METAP1: variants seen among roughly 807,000 people sequenced by gnomAD.
METAP1 encodes methionine aminopeptidase 1.
Under a neutral mutation model 53.8 loss-of-function variants are expected in METAP1, and 28 were observed. That is an observed-to-expected ratio of 0.52 (90% CI 0.39 to 0.71). METAP1 has a LOEUF of 0.71. Ranked by LOEUF, METAP1 falls within the 30% of genes least tolerant of loss-of-function variation. METAP1 has a pLI of 0.00. For synonymous variants in METAP1, 181 were observed against 165.7 expected, an observed-to-expected ratio of 1.09 and a Z score of -0.71; for missense variants, 389 against 479.8, an observed-to-expected ratio of 0.81 and a Z score of 1.77.
chr4:99,026,428 C>T (rs1724565020), intron 1 of METAP1: 1 of 985,226 alleles, frequency 1.0e-6, no homozygotes, highest in Non-Finnish European at 1.2e-6. Flanking sequence ...GAGAAAGTAG[C>T]ATTTGAAACG....
chr4:98,997,808 A>G (rs1722708412), intron 1 of METAP1, among the ~76,000 whole-genome samples: 2 of 152,242 alleles, frequency 1.3e-5, no homozygotes, highest in Admixed American at 6.5e-5. Flanking sequence ...CATGCACTCA[A>G]ATATTCCCAG....
At chr4:99,055,938 T>G (rs1016430153) in intron 9 of METAP1, among the ~76,000 whole-genome samples, 1 of 152,254 alleles carries the variant, frequency 6.6e-6, no homozygotes, top group African/African-American at 2.4e-5. Context: ...TTTTCTTTTC[T>G]TCCTTTTTTC....
At position 99,020,432 on chromosome 4, in the gene METAP1, C is replaced by T. The variant is rs115091042; in HGVS notation, c.115-8435C>T. Among the ~76,000 whole-genome samples, 540 of 152,286 alleles carry T rather than the reference C, an allele frequency of 3.5e-3. 2 individuals are homozygous for T. The highest frequency in any genetic ancestry group is 0.012 in the African/African-American group (517 of 41,560). ...GAATATCCCTTCTACATTGTTCTAT[C>T]TCTCTCTGAAGCCCTCTTTTTAAGG... On this transcript the variant is annotated intron_variant, in intron 1 of 10. Coordinates refer to ENST00000296411, the MANE Select transcript of METAP1 (RefSeq NM_015143.3).
intron 7 of METAP1, 29 bp from the exon 8 acceptor site, chr4:99,045,150 G>A (rs1429955414): frequency 1.2e-6 from 2 of 1,602,342 alleles, no homozygotes; most frequent in South Asian, 1.1e-5. Flanking sequence ...AAATAAGTAT[G>A]GTCTTTATAT....
intron 1 of METAP1, chr4:99,022,170 A>C (rs910304536): frequency 5.9e-6 from 2 of 338,816 alleles, no homozygotes; most frequent in African/African-American, 2.2e-5. Context: ...GAAGCCCACA[A>C]AACTTCCACG....
At chr4:99,059,137 A>G (rs553967974) in intron 10 of METAP1, among the ~76,000 whole-genome samples, 4 of 152,370 alleles carry the variant, frequency 2.6e-5, no homozygotes, top group Non-Finnish European at 4.4e-5. Context: ...ATAACTTTCT[A>G]TACAGCCAGC....
chr4:99,061,158 A>G lies in METAP1; in HGVS notation c.1002A>G (p.Gly334=), dbSNP rs1461685983. 6.2e-7 allele frequency: 1 copy of G among 1,611,874 alleles called. No individual in the cohort carries two copies. The highest frequency in any genetic ancestry group is 1.7e-5 in the Admixed American group (1 of 59,582). ...FTIEPMICEG[G]WQDETWPDGW... is the part of the protein sequence containing the mutation. ...AATTGTTTTTGTTTGTTGAAGGCGGATGGCAGGATGAAACCTGGCCAGATG... is the reference window on the plus strand; with the variant it reads ...AATTGTTTTTGTTTGTTGAAGGCGGGTGGCAGGATGAAACCTGGCCAGATG... Residue 334 remains glycine (G), a synonymous_variant, in exon 11 of 11, where the codon GGA becomes GGG. Coordinates refer to ENST00000296411, the MANE Select transcript of METAP1 (RefSeq NM_015143.3).
At chr4:99,044,638 AATAGT>A (rs1279237163) in intron 7 of METAP1, among the ~76,000 whole-genome samples, 1 of 151,830 alleles carries the variant, frequency 6.6e-6, no homozygotes, top group Non-Finnish European at 1.5e-5. Flanking sequence ...ATAATGGTAT[AATAGT>A]ATATAATATA....
At chr4:99,019,824 A>T (rs563627502) in intron 1 of METAP1, among the ~76,000 whole-genome samples, 14 of 152,206 alleles carry the variant, frequency 9.2e-5, no homozygotes, top group African/African-American at 2.9e-4. Flanking sequence ...ATTTTAACAT[A>T]CCTTGTCCTA....
At chr4:99,055,062 C>G (rs1355712173) in intron 9 of METAP1, among the ~76,000 whole-genome samples, 2 of 151,812 alleles carry the variant, frequency 1.3e-5, no homozygotes, top group East Asian at 3.9e-4. Context: ...TTGCTCAGAG[C>G]AGGGTTGCCA....
intron 1 of METAP1, among the ~76,000 whole-genome samples, chr4:99,004,194 G>A (rs1723054679): frequency 6.6e-6 from 1 of 152,156 alleles, no homozygotes; most frequent in Admixed American, 6.5e-5. Context: ...GAAACTCTCT[G>A]AACCCAATCC....
chr4:99,022,051 G>A (rs1401333199), intron 1 of METAP1, among the ~76,000 whole-genome samples: 1 of 152,174 alleles, frequency 6.6e-6, no homozygotes, highest in African/African-American at 2.4e-5. Flanking sequence ...GGACCCTATA[G>A]CAGTAGGCAA....
intron 1 of METAP1, among the ~76,000 whole-genome samples, chr4:99,016,224 G>A (rs1723758075): frequency 6.6e-6 from 1 of 152,208 alleles, no homozygotes; most frequent in Non-Finnish European, 1.5e-5. Flanking sequence ...TCAAAGGTAG[G>A]CACATCAGCT....
intron 1 of METAP1, among the ~76,000 whole-genome samples, chr4:99,009,972 A>T (rs1272274762): frequency 6.6e-6 from 1 of 151,822 alleles, no homozygotes; most frequent in Non-Finnish European, 1.5e-5. Flanking sequence ...GTATTTCCCC[A>T]TTTCCCTTAT....
intron 9 of METAP1, among the ~76,000 whole-genome samples, chr4:99,053,045 A>G (rs1726828610): frequency 6.6e-6 from 1 of 152,152 alleles, no homozygotes; most frequent in African/African-American, 2.4e-5. Context: ...ATCCACTCAC[A>G]TCCTCAGGCT....
At chr4:99,025,418 G>T in intron 1 of METAP1, 3 of 982,804 alleles carry the variant, frequency 3.1e-6, no homozygotes, top group Non-Finnish European at 3.6e-6. Flanking sequence ...TCTTAACTCT[G>T]ACTCTTTTCA....
chr4:99,023,495 G>A, intron 1 of METAP1: 1 of 985,324 alleles, frequency 1.0e-6, no homozygotes, highest in Non-Finnish European at 1.2e-6. Context: ...ATTGTATGGT[G>A]TGCTTATTTG....
intron 1 of METAP1, among the ~76,000 whole-genome samples, chr4:99,020,143 G>A (rs1042272531): frequency 7.2e-5 from 11 of 152,090 alleles, no homozygotes; most frequent in Admixed American, 4.6e-4. Context: ...ATCATGTTCC[G>A]CTCTTCCTTT....
At chr4:99,027,402 A>T (rs1343935970) in intron 1 of METAP1, among the ~76,000 whole-genome samples, 1 of 152,162 alleles carries the variant, frequency 6.6e-6, no homozygotes, top group African/African-American at 2.4e-5. Flanking sequence ...GGCTTCAAGG[A>T]CAAGTGGCCT....
Sources: allele counts gnomAD v4.1 joint callset (sites outside exome capture counted in the v4.1 genomes callset), GRCh38; gene constraint gnomAD v4.1.1; transcripts MANE v1.5; gene names NCBI Gene and HGNC (gene_info 2026-07-23, HGNC 2026-07-21).